The following KCNMB2 variants were observed in gnomAD, a reference collection of about 807,000 sequenced individuals.
KCNMB2 encodes the protein calcium-activated potassium channel subunit beta-2.
A neutral mutation model predicts 24.5 loss-of-function variants in KCNMB2; 9 were observed. The observed-to-expected ratio is 0.37, with a 90% CI of 0.22 to 0.64. KCNMB2 has a LOEUF of 0.64. Ranked by LOEUF, KCNMB2 falls within the 30% of genes least tolerant of loss-of-function variation. The pLI is 0.63. For synonymous variants in KCNMB2, 109 were observed against 104.4 expected, an observed-to-expected ratio of 1.04 and a Z score of -0.27; for missense variants, 226 against 284.3, an observed-to-expected ratio of 0.79 and a Z score of 1.47.
In KCNMB2 at chr3:178,708,779, AG is replaced by A. The variant is rs977643998; in HGVS notation, c.-67-98562del. On this transcript the variant is annotated intron_variant, in intron 1 of 4. Transcript: ENST00000452583. ...AAAGAGGATATTGAAGCTTAGTAAG[AG>A]GTTAAATAACTTCAAATGTAGTCAT... 2.0e-5 allele frequency among the ~76,000 whole-genome samples: 3 copies of A among 152,138 alleles called. 1 individual carries two copies. The South Asian group carries it at 6.2e-4, about 31-fold the overall frequency.
chr3:178,786,131 A>C (rs1577187343), intron 1 of KCNMB2, among the ~76,000 whole-genome samples: 1 of 152,306 alleles, frequency 6.6e-6, no homozygotes, highest in East Asian at 1.9e-4. Flanking sequence ...GAAAGGGCTG[A>C]ATGACTCAGT....
chr3:178,599,580 A>C (rs1318188176), intron 1 of KCNMB2, among the ~76,000 whole-genome samples: 1 of 152,098 alleles, frequency 6.6e-6, no homozygotes, highest in Non-Finnish European at 1.5e-5. Context: ...TACCTTGTGC[A>C]TTTACTTTCT....
At chr3:178,582,598 T>C (rs142679629) in intron 1 of KCNMB2, among the ~76,000 whole-genome samples, 140 of 152,336 alleles carry the variant, frequency 9.2e-4, no homozygotes, top group African/African-American at 2.9e-3. Flanking sequence ...TAATGGGTTG[T>C]CTAGTTTTAC....
At chr3:178,755,036 G>T (rs1723983351) in intron 1 of KCNMB2, among the ~76,000 whole-genome samples, 1 of 152,186 alleles carries the variant, frequency 6.6e-6, no homozygotes, top group Non-Finnish European at 1.5e-5. Flanking sequence ...ATTCTGGCAG[G>T]CACACATTAG....
At chr3:178,819,488 C>A (rs796826298) in intron 2 of KCNMB2, among the ~76,000 whole-genome samples, 2 of 152,050 alleles carry the variant, frequency 1.3e-5, no homozygotes, top group Admixed American at 1.3e-4. Flanking sequence ...CTCCAGTCTC[C>A]CTTCCTCTCT....
chr3:178,731,120 A>G (rs1460288812), intron 1 of KCNMB2, among the ~76,000 whole-genome samples: 5 of 152,104 alleles, frequency 3.3e-5, no homozygotes, highest in Admixed American at 1.3e-4. Context: ...AGAAAAAAAA[A>G]TAAGGAAAAG....
chr3:178,714,014 C>G (rs996843965), intron 1 of KCNMB2, among the ~76,000 whole-genome samples: 4 of 152,156 alleles, frequency 2.6e-5, no homozygotes, highest in Non-Finnish European at 5.9e-5. Context: ...CTTAAACTCT[C>G]AAGTTTTTCT....
intron 1 of KCNMB2, among the ~76,000 whole-genome samples, chr3:178,664,928 T>C (rs951424042): frequency 6.6e-6 from 1 of 152,134 alleles, no homozygotes; most frequent in South Asian, 2.1e-4. Flanking sequence ...GAAATAATTT[T>C]AATAAAACAT....
At chr3:178,571,936 T>C (rs1354231275) in intron 1 of KCNMB2, among the ~76,000 whole-genome samples, 1 of 152,212 alleles carries the variant, frequency 6.6e-6, no homozygotes, top group Admixed American at 6.5e-5. Context: ...TTATCACTGA[T>C]GGGCTTTTGG....
At chr3:178,823,928 TCA>T (rs1714733130) in intron 2 of KCNMB2, among the ~76,000 whole-genome samples, 1 of 152,020 alleles carries the variant, frequency 6.6e-6, no homozygotes, top group Non-Finnish European at 1.5e-5. Context: ...AAAAATGACT[TCA>T]GTTTCTTTTT....
At chr3:178,563,899 A>G (rs1716413525) in intron 1 of KCNMB2, among the ~76,000 whole-genome samples, 1 of 152,224 alleles carries the variant, frequency 6.6e-6, no homozygotes, top group South Asian at 2.1e-4. Context: ...CATTCAAAAT[A>G]GAAATCCATG....
At chr3:178,732,534 A>G (rs1051465113) in intron 1 of KCNMB2, among the ~76,000 whole-genome samples, 3 of 151,924 alleles carry the variant, frequency 2.0e-5, no homozygotes, top group Non-Finnish European at 4.4e-5. Flanking sequence ...TGGTGATTTT[A>G]TTGTTTAAAA....
intron 1 of KCNMB2, among the ~76,000 whole-genome samples, chr3:178,656,294 A>G (rs1015520751): frequency 1.3e-5 from 2 of 152,240 alleles, no homozygotes; most frequent in Non-Finnish European, 2.9e-5. Flanking sequence ...AGGAACAGGC[A>G]AGCTTTCTTT....
At chr3:178,806,151 T>C (rs2108451117) in intron 1 of KCNMB2, among the ~76,000 whole-genome samples, 1 of 152,294 alleles carries the variant, frequency 6.6e-6, no homozygotes, top group Middle Eastern at 3.4e-3. Flanking sequence ...AAAGAATATA[T>C]TTTTCATTTA....
rs573454854 is a variant in KCNMB2 at position 178,748,732 on chromosome 3, C to T, written c.-67-58611C>T. 6.6e-5 allele frequency among the ~76,000 whole-genome samples: 10 copies of T among 152,098 alleles called. No homozygotes were observed. The South Asian group carries it at 2.1e-3, about 32-fold the overall frequency. ...AAGCTAGCTATTGAAAATTGAGAAC[C>T]CCGCTATTGAAAATTGAGAAAATTG... On this transcript the variant is annotated intron_variant, in intron 1 of 4. Coordinates refer to ENST00000452583, the MANE Select transcript of KCNMB2 (RefSeq NM_181361.3).
chr3:178,591,260 G>C (rs1717660512), intron 1 of KCNMB2, among the ~76,000 whole-genome samples: 1 of 152,124 alleles, frequency 6.6e-6, no homozygotes, highest in Non-Finnish European at 1.5e-5. Context: ...ACTCATTAGA[G>C]GAATCAGCAT....
chr3:178,757,730 CCAAGAGGA>C lies in KCNMB2; in HGVS notation c.-67-49612_-67-49605del, dbSNP rs1343990463. Among the ~76,000 whole-genome samples, 19 of 50,770 alleles carry C rather than the reference CCAAGAGGA, an allele frequency of 3.7e-4. 2 individuals are homozygous for C. The highest frequency in any genetic ancestry group is 7.2e-4 in the Non-Finnish European group (18 of 25,066). 33.3% of individuals were successfully genotyped at this position (50,770 alleles called of 152,430 possible). A position where few individuals can be genotyped will look rare whatever the true frequency, so the allele number is the denominator to read the frequency against. On this transcript the variant is annotated intron_variant, in intron 1 of 4. Coordinates refer to ENST00000452583, the MANE Select transcript of KCNMB2 (RefSeq NM_181361.3). ...AGAGGATATATATATGTATATATAT[CCAAGAGGA>C]TATATATATATAAGAGGATATATAT...
chr3:178,580,362 A>G (rs1372777669), intron 1 of KCNMB2, among the ~76,000 whole-genome samples: 1 of 151,868 alleles, frequency 6.6e-6, no homozygotes, highest in Non-Finnish European at 1.5e-5. Context: ...GTATTGATAC[A>G]ATGTATCAAA....
intron 1 of KCNMB2, among the ~76,000 whole-genome samples, chr3:178,548,281 G>A (rs1715839691): frequency 4.6e-5 from 7 of 152,136 alleles, no homozygotes; most frequent in Admixed American, 4.6e-4. Context: ...GATAGATCTT[G>A]CAATCTCTTT....
Sources: gnomAD v4.1 joint callset for allele counts (sites outside exome capture counted in the v4.1 genomes callset) on GRCh38, gnomAD v4.1.1 for gene constraint, MANE v1.5 for transcripts, NCBI Gene and HGNC (gene_info 2026-07-23, HGNC 2026-07-21) for gene names.